THADA: variants seen among roughly 807,000 people sequenced by gnomAD.
THADA encodes the protein THADA armadillo repeat containing.
In THADA, 213 loss-of-function variants were observed where a neutral mutation model predicts 219.8. The ratio of observed to expected loss-of-function variants is 0.97; its 90% CI spans 0.87 to 1.09. THADA has a LOEUF of 1.09. Ranked by LOEUF, THADA falls within the 50% of genes least tolerant of loss-of-function variation. THADA has a pLI of 0.00. For synonymous variants in THADA, 1,018 were observed against 828.9 expected, an observed-to-expected ratio of 1.23 and a Z score of -3.92; for missense variants, 2,956 against 2,311.3, an observed-to-expected ratio of 1.28 and a Z score of -5.72.
chr2:43,304,694 T>C (rs973710656), intron 31 of THADA, among the ~76,000 whole-genome samples: 4 of 147,922 alleles, frequency 2.7e-5, no homozygotes, highest in Non-Finnish European at 4.5e-5. Flanking sequence ...TTTTTTGTGA[T>C]GGAGTCTCAC....
At chr2:43,348,754 T>G (rs1421106696) in intron 29 of THADA, among the ~76,000 whole-genome samples, 1 of 152,150 alleles carries the variant, frequency 6.6e-6, no homozygotes, top group Non-Finnish European at 1.5e-5. Flanking sequence ...TATAAGAGAA[T>G]CTACAGCAGG....
chr2:43,495,308 AAATAG>A (rs1244408664), intron 25 of THADA, among the ~76,000 whole-genome samples: 1 of 152,182 alleles, frequency 6.6e-6, no homozygotes, highest in African/African-American at 2.4e-5. Context: ...AAAGCAAACT[AAATAG>A]AAATGTTTCC....
At chr2:43,275,082 G>C (rs979785703) in intron 36 of THADA, among the ~76,000 whole-genome samples, 1 of 146,908 alleles carries the variant, frequency 6.8e-6, no homozygotes, top group Non-Finnish European at 1.5e-5. Flanking sequence ...GCATTACTGC[G>C]AAAATTCCAC....
chr2:43,241,734 A>G (rs1473272962), intron 36 of THADA, among the ~76,000 whole-genome samples: 1 of 152,042 alleles, frequency 6.6e-6, no homozygotes, highest in Admixed American at 6.5e-5. Context: ...CGCCTACAGA[A>G]GGCGGATGCT....
intron 21 of THADA, among the ~76,000 whole-genome samples, chr2:43,531,025 T>C (rs1693801753): frequency 6.6e-6 from 1 of 152,226 alleles, no homozygotes; most frequent in Non-Finnish European, 1.5e-5. Context: ...TCCTGTTAGA[T>C]AACAGTCTTT....
intron 29 of THADA, among the ~76,000 whole-genome samples, chr2:43,372,914 GGCT>G (rs2104627865): frequency 6.6e-6 from 1 of 152,188 alleles, no homozygotes; most frequent in East Asian, 1.9e-4. Context: ...ATGTTAGCCA[GGCT>G]GCTCTTGGAC....
intron 30 of THADA, among the ~76,000 whole-genome samples, chr2:43,342,470 C>G (rs1667167327): frequency 6.6e-6 from 1 of 152,206 alleles, no homozygotes; most frequent in African/African-American, 2.4e-5. Flanking sequence ...TTGTGCCTTA[C>G]ACTTTAGGTT....
At chr2:43,297,138 G>A (rs1185195536) in intron 31 of THADA, among the ~76,000 whole-genome samples, 3 of 91,448 alleles carry the variant, frequency 3.3e-5, no homozygotes, top group Non-Finnish European at 6.7e-5. Flanking sequence ...AGTGAGGAGC[G>A]TCTCTGCCCG....
chr2:43,497,838 T>A (rs1688466494), intron 25 of THADA, among the ~76,000 whole-genome samples: 1 of 151,864 alleles, frequency 6.6e-6, no homozygotes, highest in South Asian at 2.1e-4. Context: ...TGAGCTGAGA[T>A]CACACCACTG....
chr2:43,478,353 C>T (rs756397044), intron 26 of THADA, among the ~76,000 whole-genome samples: 2 of 152,176 alleles, frequency 1.3e-5, no homozygotes, highest in Non-Finnish European at 2.9e-5. Context: ...CTGGCTTTAA[C>T]CTCTTAGACT....
intron 22 of THADA, among the ~76,000 whole-genome samples, chr2:43,524,361 C>T (rs1692887800): frequency 6.6e-6 from 1 of 152,202 alleles, no homozygotes; most frequent in Non-Finnish European, 1.5e-5. Flanking sequence ...CTATTAAAAA[C>T]CAATTCAAAC....
rs144237060 is a variant in THADA, at chr2:43,457,961, A to C, written c.3836+27273T>G. Among the ~76,000 whole-genome samples, 407 of 152,308 alleles carry C rather than the reference A, an allele frequency of 2.7e-3. 1 individual carries two copies. Among genetic ancestry groups the C allele is most frequent in the Middle Eastern group, 0.01 (3 of 294 alleles). ...CCCAGGTGATAGGGGATATCCTTAC[A>C]TACACACACAGTCTCACTGTCCTCT... is the stretch of plus-strand genomic sequence containing the variant. On this transcript the variant is annotated intron_variant, in intron 26 of 37. Transcript: ENST00000405975.
chr2:43,368,294 G>C (rs1384032701), intron 29 of THADA, among the ~76,000 whole-genome samples: 4 of 152,118 alleles, frequency 2.6e-5, no homozygotes, highest in Non-Finnish European at 5.9e-5. Flanking sequence ...TCATATACTT[G>C]TGCTGAACCA....
intron 28 of THADA, among the ~76,000 whole-genome samples, chr2:43,399,869 GACC>G (rs1202820285): frequency 6.7e-6 from 1 of 149,214 alleles, no homozygotes; most frequent in Non-Finnish European, 1.5e-5. Flanking sequence ...AACTTCATTT[GACC>G]AAAAAACAAA....
At chr2:43,296,993 G>A (rs1460260784) in intron 31 of THADA, among the ~76,000 whole-genome samples, 1 of 99,902 alleles carries the variant, frequency 1.0e-5, no homozygotes, top group Non-Finnish European at 2.0e-5. Flanking sequence ...TCTCTGCCTG[G>A]CCGCCCATCG....
intron 31 of THADA, among the ~76,000 whole-genome samples, chr2:43,307,202 G>A (rs972505216): frequency 7.9e-5 from 12 of 152,188 alleles, no homozygotes; most frequent in African/African-American, 2.9e-4. Flanking sequence ...TGAGCTTACT[G>A]CCAAGAGGCA....
chr2:43,285,217 G>A (rs1363672018), intron 35 of THADA, among the ~76,000 whole-genome samples: 1 of 152,206 alleles, frequency 6.6e-6, no homozygotes, highest in Non-Finnish European at 1.5e-5. Context: ...AGATTCAGGA[G>A]GGGCCTGGGG....
chr2:43,558,296 AC>A (rs201748003), intron 16 of THADA, among the ~76,000 whole-genome samples: 1,827 of 152,276 alleles, frequency 0.012, 42 homozygotes, highest in African/African-American at 0.042. Flanking sequence ...ACTGCTGTAC[AC>A]TTAACTGTAT....
chr2:43,406,890 C>T (rs1162882911), intron 28 of THADA, among the ~76,000 whole-genome samples: 1 of 152,214 alleles, frequency 6.6e-6, no homozygotes, highest in Admixed American at 6.5e-5. Context: ...TGGGCTGCAG[C>T]ATATGCAGAA....
Sources: gnomAD v4.1 joint callset for allele counts (sites outside exome capture counted in the v4.1 genomes callset) on GRCh38, gnomAD v4.1.1 for gene constraint, MANE v1.5 for transcripts, NCBI Gene and HGNC (gene_info 2026-07-23, HGNC 2026-07-21) for gene names.